Variants in KCNAB1 observed in about 807,000 individuals in gnomAD.
The protein encoded by KCNAB1 is voltage-gated potassium channel subunit beta-1.
In KCNAB1, 35 loss-of-function variants were observed where a neutral mutation model predicts 64.6. That is an observed-to-expected ratio of 0.54 (90% CI 0.41 to 0.72). The LOEUF (loss-of-function observed/expected upper bound fraction) is 0.72, where lower values mean the gene tolerates loss of function less well. Ranked by LOEUF, KCNAB1 falls within the 30% of genes least tolerant of loss-of-function variation. The pLI, the probability that KCNAB1 is intolerant of heterozygous loss-of-function variation, is 0.00. For missense variants in KCNAB1, 401 were observed against 512.9 expected (o/e 0.78, Z 2.11); for synonymous variants, 177 against 183.8 (o/e 0.96, Z 0.30).
chr3:156,526,728 C>T (rs1474829007), intron 12 of KCNAB1, among the ~76,000 whole-genome samples: 1 of 152,156 alleles, frequency 6.6e-6, no homozygotes, highest in East Asian at 1.9e-4. Flanking sequence ...GAGGTCTATA[C>T]TATTACTAGT....
intron 1 of KCNAB1, chr3:156,176,379 G>C (rs1265171009): frequency 1.3e-6 from 1 of 791,256 alleles, no homozygotes; most frequent in African/African-American, 1.7e-5. Context: ...CTTTCTTCCA[G>C]AGTCCCAAAG....
chr3:156,496,647 A>G (rs1026488147), intron 8 of KCNAB1, among the ~76,000 whole-genome samples: 4 of 152,198 alleles, frequency 2.6e-5, no homozygotes, highest in Admixed American at 6.5e-5. Context: ...AAAACTATCT[A>G]ATACTACTTG....
intron 1 of KCNAB1, among the ~76,000 whole-genome samples, chr3:156,286,322 C>G (rs1196954739): frequency 6.6e-6 from 1 of 152,138 alleles, no homozygotes; most frequent in African/African-American, 2.4e-5. Flanking sequence ...CCTAGAAATT[C>G]TTTTAATCAC....
chr3:156,483,206 C>T lies in KCNAB1; in HGVS notation c.658+8386C>T, dbSNP rs184590685. Among the ~76,000 whole-genome samples, 30 of 152,094 alleles carry T rather than the reference C, an allele frequency of 2.0e-4. No homozygotes were observed. In the East Asian group the frequency reaches 5.8e-3, roughly 29 times the overall value. On this transcript the variant is annotated intron_variant, in intron 8 of 13. Transcript: ENST00000490337. ...CAAGGGGCTCAGCAAGGAAAAGATG[C>T]CCGGGTCAGTAGTATACTTGGAAAG... is the stretch of plus-strand genomic sequence containing the variant.
intron 1 of KCNAB1, among the ~76,000 whole-genome samples, chr3:156,281,037 T>C (rs1719683062): frequency 6.6e-6 from 1 of 151,676 alleles, no homozygotes; most frequent in Admixed American, 6.5e-5. Flanking sequence ...ATCCCTGTCT[T>C]GTGCCAGTTT....
At chr3:156,219,231 A>G (rs1480499679) in intron 1 of KCNAB1, among the ~76,000 whole-genome samples, 2 of 152,114 alleles carry the variant, frequency 1.3e-5, no homozygotes, top group Non-Finnish European at 2.9e-5. Flanking sequence ...ATGAAATGAA[A>G]CTTCTTCAGT....
intron 1 of KCNAB1, among the ~76,000 whole-genome samples, chr3:156,159,014 A>G (rs1217597355): frequency 1.3e-5 from 2 of 152,128 alleles, no homozygotes; most frequent in Non-Finnish European, 2.9e-5. Context: ...AAGACTCAGA[A>G]TACTCTTGGT....
intron 1 of KCNAB1, among the ~76,000 whole-genome samples, chr3:156,202,452 C>T (rs1036106524): frequency 4.6e-5 from 7 of 152,210 alleles, no homozygotes; most frequent in African/African-American, 1.2e-4. Flanking sequence ...TTTTCTCTAA[C>T]GATCTGCTAG....
intron 8 of KCNAB1, among the ~76,000 whole-genome samples, chr3:156,512,344 A>T (rs73166589): frequency 0.073 from 11,062 of 152,074 alleles, 524 homozygotes; most frequent in Middle Eastern, 0.19. Flanking sequence ...TTTGTCAAGG[A>T]CTCCCACGTG....
chr3:156,272,266 G>C (rs896623441), intron 1 of KCNAB1, among the ~76,000 whole-genome samples: 1 of 152,232 alleles, frequency 6.6e-6, no homozygotes, highest in African/African-American at 2.4e-5. Context: ...GCAAAGCCAG[G>C]CAGTTTTTTG....
intron 1 of KCNAB1, among the ~76,000 whole-genome samples, chr3:156,202,243 G>A (rs1714381035): frequency 6.6e-6 from 1 of 152,174 alleles, no homozygotes; most frequent in Non-Finnish European, 1.5e-5. Context: ...TCATGGTTGA[G>A]GAGTCTCCTC....
At chr3:156,141,082 A>G (rs1714679325) in intron 1 of KCNAB1, among the ~76,000 whole-genome samples, 1 of 151,268 alleles carries the variant, frequency 6.6e-6, no homozygotes, top group Non-Finnish European at 1.5e-5. Flanking sequence ...TAAACTTTCT[A>G]TTTTGAGATA....
In KCNAB1 at chr3:156,346,028, G is replaced by T. The variant is rs988420505; in HGVS notation, c.276-75588G>T. Among the ~76,000 whole-genome samples the T allele has an allele frequency of 7.9e-5, 12 of 152,074 alleles. No individual in the cohort carries two copies. In the South Asian group the frequency reaches 2.5e-3, roughly 32 times the overall value. On this transcript the variant is annotated intron_variant, in intron 1 of 13. Coordinates refer to ENST00000490337, the MANE Select transcript of KCNAB1 (RefSeq NM_172160.3). ...TTAGATGAATATTTAGCATTTACCT[G>T]AAATCACAGCAATATGTATTCATGG...
At chr3:156,174,454 G>A (rs1469185149) in intron 1 of KCNAB1, among the ~76,000 whole-genome samples, 1 of 152,156 alleles carries the variant, frequency 6.6e-6, no homozygotes, top group African/African-American at 2.4e-5. Context: ...CAGAAGGGTA[G>A]GTAGTTAGCA....
intron 1 of KCNAB1, among the ~76,000 whole-genome samples, chr3:156,285,643 AG>A (rs1225360899): frequency 6.6e-6 from 1 of 152,120 alleles, no homozygotes; most frequent in Non-Finnish European, 1.5e-5. Context: ...TGGGACCACA[AG>A]TAGGGGCCAT....
At chr3:156,142,251 A>G (rs1281742999) in intron 1 of KCNAB1, among the ~76,000 whole-genome samples, 1 of 152,174 alleles carries the variant, frequency 6.6e-6, no homozygotes, top group Non-Finnish European at 1.5e-5. Context: ...GAAGTTGTTA[A>G]TGTTGATGAA....
At chr3:156,211,292 G>C (rs1403294753) in intron 1 of KCNAB1, among the ~76,000 whole-genome samples, 1 of 152,148 alleles carries the variant, frequency 6.6e-6, no homozygotes, top group African/African-American at 2.4e-5. Flanking sequence ...TTCAAGGTTT[G>C]CTTACTGCCT....
At chr3:156,290,124 CAGTGTACTTTCTCT>C (rs1720314836) in intron 1 of KCNAB1, among the ~76,000 whole-genome samples, 2 of 152,194 alleles carry the variant, frequency 1.3e-5, no homozygotes. Flanking sequence ...CAACTTTCTC[CAGTGTACTTTCTCT>C]AGTGTACTTA....
At chr3:156,284,990 C>T (rs113686043) in intron 1 of KCNAB1, among the ~76,000 whole-genome samples, 34 of 152,250 alleles carry the variant, frequency 2.2e-4, no homozygotes, top group East Asian at 1.5e-3. Context: ...GCTCCTCCCC[C>T]GGGGAATACT....
Sources: gnomAD v4.1 joint callset for allele counts (sites outside exome capture counted in the v4.1 genomes callset) on GRCh38, gnomAD v4.1.1 for gene constraint, MANE v1.5 for transcripts, NCBI Gene and HGNC (gene_info 2026-07-23, HGNC 2026-07-21) for gene names.